FBLN2: variants seen among roughly 807,000 people sequenced by gnomAD.
FBLN2 encodes fibulin 2.
A neutral mutation model predicts 123.7 loss-of-function variants in FBLN2; 81 were observed. The ratio of observed to expected loss-of-function variants is 0.65; its 90% CI spans 0.55 to 0.79. FBLN2 has a LOEUF of 0.79. FBLN2 is among the 30% of genes least tolerant of loss of function. FBLN2 has a pLI of 0.00. For missense variants in FBLN2, 1,603 were observed against 1,681.3 expected (o/e 0.95, Z 0.81); for synonymous variants, 699 against 701.4 (o/e 1.00, Z 0.05).
chr3:13,633,954 A>AAC (rs56947028), intron 16 of FBLN2, among the ~76,000 whole-genome samples: 2,134 of 112,894 alleles, frequency 0.019, 47 homozygotes, highest in African/African-American at 0.025. Flanking sequence ...ACACACTGCA[A>AAC]ACACACACAC....
intron 1 of FBLN2, among the ~76,000 whole-genome samples, chr3:13,567,512 C>CA (rs1338008451): frequency 6.6e-6 from 1 of 152,212 alleles, no homozygotes; most frequent in Non-Finnish European, 1.5e-5. Context: ...CACACGCCAT[C>CA]ATGCCTGGCT....
intron 1 of FBLN2, chr3:13,569,202 G>A: frequency 3.7e-6 from 1 of 267,628 alleles, no homozygotes; most frequent in Non-Finnish European, 5.6e-6. Flanking sequence ...AAGATGAGAG[G>A]GGAGAAGAGC....
At chr3:13,600,040 A>C (rs2003001) in intron 2 of FBLN2, among the ~76,000 whole-genome samples, 41,104 of 137,360 alleles carry the variant, frequency 0.3, 6,054 homozygotes, top group Non-Finnish European at 0.36. Context: ...AGAGAGAGAG[A>C]GAGAGCGAGA....
Position 13,581,528 on chromosome 3 carries a change from C to G in FBLN2, c.1306+9867C>G, listed in dbSNP as rs1704328089. Among the ~76,000 whole-genome samples, 3 of 152,108 alleles carry G rather than the reference C, an allele frequency of 2.0e-5. No homozygotes were observed. The South Asian group carries it at 6.2e-4, about 32-fold the overall frequency. On this transcript the variant is annotated intron_variant, in intron 2 of 17. Coordinates refer to ENST00000404922, the MANE Select transcript of FBLN2 (RefSeq NM_001004019.2). ...TATGCGTGCCGTAAACCTCAACACC[C>G]ACAGACTCTTGCACCTGGGCTCCGA...
rs2124917159 is a variant in FBLN2, at chr3:13,637,501, C to G, written c.3339-61C>G. The G allele has an allele frequency of 3.5e-6, 5 of 1,448,866 alleles. No individual in the cohort carries two copies. The East Asian group carries it at 1.2e-4, about 35-fold the overall frequency. 89.8% of individuals were successfully genotyped at this position (1,448,866 alleles called of 1,614,324 possible). ...TGCCGCTGAGCTGTGCCATCTGTGT[C>G]CCCGTCTGGGGATGAGGGGGGTGGG... On this transcript the variant is annotated intron_variant, in intron 17 of 17. Coordinates refer to ENST00000404922, the MANE Select transcript of FBLN2 (RefSeq NM_001004019.2).
chr3:13,602,736 G>C (rs550982946), intron 2 of FBLN2, among the ~76,000 whole-genome samples: 1 of 152,104 alleles, frequency 6.6e-6, no homozygotes, highest in East Asian at 1.9e-4. Context: ...ATTTGAGTGT[G>C]TTGTTTTTGT....
At chr3:13,620,520 G>A (rs1298072496) in intron 8 of FBLN2, among the ~76,000 whole-genome samples, 1 of 152,144 alleles carries the variant, frequency 6.6e-6, no homozygotes, top group Non-Finnish European at 1.5e-5. Flanking sequence ...CCCCGCCTAG[G>A]TCTGGGTCTT....
At chr3:13,554,988 T>C (rs905287733) in intron 1 of FBLN2, among the ~76,000 whole-genome samples, 4 of 150,052 alleles carry the variant, frequency 2.7e-5, no homozygotes, top group African/African-American at 7.4e-5. Context: ...AATTTTACTC[T>C]GTCACCCAGG....
At chr3:13,552,063 T>C (rs1703338661) in intron 1 of FBLN2, among the ~76,000 whole-genome samples, 2 of 152,144 alleles carry the variant, frequency 1.3e-5, no homozygotes, top group African/African-American at 2.4e-5. Context: ...GATCTTGAAC[T>C]CTTGGCCTCA....
intron 1 of FBLN2, among the ~76,000 whole-genome samples, chr3:13,561,671 T>G (rs1703610774): frequency 6.6e-6 from 1 of 152,230 alleles, no homozygotes. Context: ...CAAAGGAGCA[T>G]GCGGTCTGTC....
chr3:13,552,038 T>G (rs112341071), intron 1 of FBLN2, among the ~76,000 whole-genome samples: 45 of 152,214 alleles, frequency 3.0e-4, no homozygotes, highest in African/African-American at 1.1e-3. Context: ...GAGGTCTCAC[T>G]TTGTTACTCA....
chr3:13,614,799 A>C (rs1385819126), intron 5 of FBLN2, among the ~76,000 whole-genome samples: 2 of 150,962 alleles, frequency 1.3e-5, no homozygotes, highest in African/African-American at 4.9e-5. Context: ...CCATCCATCC[A>C]TCCCTCATCC....
intron 8 of FBLN2, among the ~76,000 whole-genome samples, chr3:13,620,857 C>A (rs753903982): frequency 8.5e-5 from 13 of 152,222 alleles, no homozygotes; most frequent in Non-Finnish European, 1.3e-4. Context: ...GGACAAACAC[C>A]GTCCTACGAG....
At chr3:13,583,300 G>A (rs952753170) in intron 2 of FBLN2, among the ~76,000 whole-genome samples, 12 of 152,280 alleles carry the variant, frequency 7.9e-5, no homozygotes, top group African/African-American at 2.4e-4. Flanking sequence ...TCGTGACCCC[G>A]TGAGGGGATG....
At chr3:13,609,692 G>GGGGGGGT in intron 4 of FBLN2, 50 bp downstream of exon 4, 15 of 508,392 alleles carry the variant, frequency 3.0e-5, no homozygotes, top group East Asian at 6.4e-5. Flanking sequence ...GGCGGGGCGG[G>GGGGGGGT]AGGCTGGCCT....
intron 1 of FBLN2, among the ~76,000 whole-genome samples, chr3:13,555,708 C>G (rs1703446103): frequency 6.6e-6 from 1 of 152,208 alleles, no homozygotes; most frequent in African/African-American, 2.4e-5. Context: ...CCCGCCTTGG[C>G]CTCTCAAAGT....
At chr3:13,577,288 C>A (rs539835305) in intron 2 of FBLN2, among the ~76,000 whole-genome samples, 3 of 150,030 alleles carry the variant, frequency 2.0e-5, no homozygotes, top group African/African-American at 7.4e-5. Flanking sequence ...CTCCCTGGGG[C>A]GGTGACCCGA....
rs146856970 is a variant in FBLN2, at chr3:13,608,041, G to C, written c.1307-21G>C. On this transcript the variant is annotated intron_variant, in intron 2 of 17. Transcript: ENST00000404922. ...TTGGTGACTTATGAATGGTGACTCT[G>C]CCTCATGTTGCTATCCACAGGCTCC... The C allele has an allele frequency of 6.9e-5, 107 of 1,551,160 alleles. No individual in the cohort carries two copies. The African/African-American group carries it at 1.2e-3, about 18-fold the overall frequency.
At chr3:13,600,689 C>T (rs2124869816) in intron 2 of FBLN2, among the ~76,000 whole-genome samples, 1 of 149,984 alleles carries the variant, frequency 6.7e-6, no homozygotes, top group South Asian at 2.1e-4. Context: ...CATCTTGGCT[C>T]ACTGCAACCT....
Sources: allele counts gnomAD v4.1 joint callset (sites outside exome capture counted in the v4.1 genomes callset), GRCh38; gene constraint gnomAD v4.1.1; transcripts MANE v1.5; gene names NCBI Gene and HGNC (gene_info 2026-07-23, HGNC 2026-07-21).